Variants in KCTD1 observed in about 807,000 individuals in gnomAD.
The protein encoded by KCTD1 is BTB/POZ domain-containing protein KCTD1.
KCTD1 carries 24 observed loss-of-function variants against 66.0 expected under a neutral mutation model. The observed-to-expected ratio is 0.36, with a 90% CI of 0.26 to 0.51. KCTD1 has a LOEUF of 0.51. Ranked by LOEUF, KCTD1 falls within the 20% of genes least tolerant of loss-of-function variation. The pLI is 0.95. For missense variants in KCTD1, 943 were observed against 1,205.2 expected (o/e 0.78, Z 3.22); for synonymous variants, 511 against 517.2 (o/e 0.99, Z 0.16).
intron 1 of KCTD1, among the ~76,000 whole-genome samples, chr18:26,560,338 G>C (rs949079530): frequency 1.3e-5 from 2 of 152,038 alleles, no homozygotes; most frequent in Non-Finnish European, 2.9e-5. Context: ...CCCCCCAAGA[G>C]CCCCTTGTAC....
intron 1 of KCTD1, among the ~76,000 whole-genome samples, chr18:26,539,416 G>A (rs1051681939): frequency 6.6e-6 from 1 of 152,192 alleles, no homozygotes; most frequent in Non-Finnish European, 1.5e-5. Flanking sequence ...AGAGTGGCGG[G>A]ATTTTTGCAT....
chr18:26,544,705 T>A (rs534338212), intron 1 of KCTD1: 2 of 152,210 alleles, frequency 1.3e-5, no homozygotes, highest in Non-Finnish European at 2.9e-5. Context: ...CTTACAGTGA[T>A]TTTAATATAC....
At chr18:26,532,587 G>A (rs890501070) in intron 1 of KCTD1, among the ~76,000 whole-genome samples, 1 of 152,170 alleles carries the variant, frequency 6.6e-6, no homozygotes, top group Non-Finnish European at 1.5e-5. Context: ...CTCTAGGCCA[G>A]AATCTGCTAC....
chr18:26,621,565 C>T (rs759935269), intron 1 of KCTD1, among the ~76,000 whole-genome samples: 2 of 152,098 alleles, frequency 1.3e-5, no homozygotes, highest in Non-Finnish European at 2.9e-5. Flanking sequence ...AAAGAAGCAG[C>T]TCATCTTCGC....
chr18:26,584,119 C>G (rs2144929299), intron 1 of KCTD1, among the ~76,000 whole-genome samples: 1 of 152,260 alleles, frequency 6.6e-6, no homozygotes, highest in East Asian at 1.9e-4. Flanking sequence ...GACCAGGGTT[C>G]TGAGGCAATA....
intron 1 of KCTD1, chr18:26,599,563 T>G: frequency 6.6e-7 from 1 of 1,509,576 alleles, no homozygotes; most frequent in South Asian, 1.1e-5. Context: ...TGTTGCAGTC[T>G]GCCCACAAAG....
chr18:26,624,137 G>A (rs746353921), intron 1 of KCTD1, among the ~76,000 whole-genome samples: 7 of 152,194 alleles, frequency 4.6e-5, no homozygotes, highest in Non-Finnish European at 7.3e-5. Context: ...AAATTTCTAA[G>A]AGTCAAAGCT....
chr18:26,568,429 GT>G (rs1986031720), intron 1 of KCTD1, among the ~76,000 whole-genome samples: 1 of 151,850 alleles, frequency 6.6e-6, no homozygotes, highest in African/African-American at 2.4e-5. Context: ...TAGAGACGGG[GT>G]TTCGCCATGT....
chr18:26,541,647 A>C (rs1984979111), intron 1 of KCTD1, among the ~76,000 whole-genome samples: 1 of 152,190 alleles, frequency 6.6e-6, no homozygotes, highest in Non-Finnish European at 1.5e-5. Context: ...GTATCACTGA[A>C]AACCCAGAAC....
intron 1 of KCTD1, among the ~76,000 whole-genome samples, chr18:26,586,742 G>A (rs12954341): frequency 0.74 from 111,842 of 152,096 alleles, 41,394 homozygotes; most frequent in Middle Eastern, 0.88. Context: ...TGAGTGGTCC[G>A]GATGGAAGAT....
Position 26,476,345 on chromosome 18 carries a change from G to A in KCTD1, c.2133+170C>T, listed in dbSNP as rs752571461. 6.6e-6 allele frequency among the ~76,000 whole-genome samples: 1 copy of A among 152,128 alleles called. No homozygotes were observed. Among genetic ancestry groups the A allele is most frequent in the African/African-American group, 2.4e-5 (1 of 41,408 alleles). On this transcript the variant is annotated intron_variant, in intron 3 of 4. Coordinates refer to ENST00000580059, the MANE Select transcript of KCTD1 (RefSeq NM_001142730.3). This position sits in a 1 kb window ranked among gnomAD's most constrained non-coding sequence, Gnocchi z 4.9. The stretch of plus-strand genomic sequence containing the variant: ...AAAGCGATCCTCTTTAAGTCATGTA[G>A]AAGTTTAATGGCCATAACCACTATT...
chr18:26,459,674 C>T lies in KCTD1; in HGVS notation c.2385G>A (p.Ser795=), dbSNP rs142531578. The T allele has an allele frequency of 1.9e-5, 30 of 1,612,104 alleles. No individual in the cohort carries two copies. The highest frequency in any genetic ancestry group is 3.3e-5 in the South Asian group (3 of 90,780). Residue 795 remains serine (S), a synonymous_variant, in exon 4 of 5, where the codon TCG becomes TCA. Transcript: ENST00000580059. ...NSVNAGWNHD[S]THVIRFPLNG... The stretch of plus-strand genomic sequence containing the variant: ...TTAGTGGAAACCTGATGACGTGCGT[C>T]GAGTCGTGATTCCAGCCTGCATTGA...
intron 1 of KCTD1, among the ~76,000 whole-genome samples, chr18:26,564,482 G>A (rs1985935188): frequency 6.6e-6 from 1 of 152,102 alleles, no homozygotes; most frequent in South Asian, 2.1e-4. Context: ...GCTCACACAT[G>A]TCTTTGAGGC....
Position 26,529,560 on chromosome 18 carries a change from A to T in KCTD1, c.1809+17168T>A, listed in dbSNP as rs1352697073. Among the ~76,000 whole-genome samples the T allele has an allele frequency of 3.3e-5, 5 of 152,352 alleles. No homozygotes were observed. In the East Asian group the frequency reaches 9.6e-4, roughly 29 times the overall value. ...CACCCCCAGAAGTTAAAACAGAGTA[A>T]ATCCCAAAGGAAAAGAAGAACCAAG... On this transcript the variant is annotated intron_variant, in intron 1 of 4. Transcript: ENST00000580059.
intron 2 of KCTD1, among the ~76,000 whole-genome samples, chr18:26,479,537 A>C (rs1981524557): frequency 6.6e-6 from 1 of 152,210 alleles, no homozygotes; most frequent in South Asian, 2.1e-4. Flanking sequence ...AGAGCAGGCA[A>C]GGGGTGTGGA....
chr18:26,489,885 C>T (rs1052797132), intron 2 of KCTD1, among the ~76,000 whole-genome samples: 5 of 152,114 alleles, frequency 3.3e-5, no homozygotes, highest in African/African-American at 1.2e-4. Flanking sequence ...TTATCTGAAT[C>T]TTCTATGAAA....
chr18:26,647,339 C>CCCA (rs1987946484), intron 1 of KCTD1, among the ~76,000 whole-genome samples: 1 of 149,394 alleles, frequency 6.7e-6, no homozygotes, highest in African/African-American at 2.5e-5. Flanking sequence ...AAACCCCCCC[C>CCCA]CCATCTCTAC....
chr18:26,488,655 T>A (rs1223382264), intron 2 of KCTD1, among the ~76,000 whole-genome samples: 11 of 152,198 alleles, frequency 7.2e-5, no homozygotes, highest in Non-Finnish European at 1.6e-4. Flanking sequence ...TGCCACTGTT[T>A]GAAAGTGGTG....
intron 1 of KCTD1, among the ~76,000 whole-genome samples, chr18:26,577,436 G>C (rs1436971643): frequency 6.6e-6 from 1 of 152,200 alleles, no homozygotes; most frequent in Non-Finnish European, 1.5e-5. Flanking sequence ...GGGGCTTAGG[G>C]AGGTAGTAGA....
Sources: gnomAD v4.1 joint callset for allele counts (sites outside exome capture counted in the v4.1 genomes callset) on GRCh38, gnomAD v4.1.1 for gene constraint, Gnocchi (gnomAD v3.1) non-coding constraint, MANE v1.5 for transcripts, NCBI Gene and HGNC (gene_info 2026-07-23, HGNC 2026-07-21) for gene names.